The following PCDH11X variants were observed in gnomAD, a reference collection of about 807,000 sequenced individuals.
PCDH11X encodes protocadherin 11 X-linked.
PCDH11X carries 18 observed loss-of-function variants against 53.3 expected under a neutral mutation model. The ratio of observed to expected loss-of-function variants is 0.34; its 90% CI spans 0.23 to 0.50. The LOEUF is 0.50. PCDH11X is among the 20% of genes least tolerant of loss of function. PCDH11X has a pLI of 0.98. For missense variants in PCDH11X, 570 were observed against 1,032.4 expected, an observed-to-expected ratio of 0.55 and a Z score of 6.14; for synonymous variants, 279 against 393.3, an observed-to-expected ratio of 0.71 and a Z score of 3.44.
chrX:92,164,490 G>A (rs1212295629), intron 6 of PCDH11X, among the ~76,000 whole-genome samples: 1 of 112,129 alleles, frequency 8.9e-6, no homozygotes, highest in Non-Finnish European at 1.9e-5. Flanking sequence ...GGAATAACAT[G>A]TATTCATGAA....
intron 6 of PCDH11X, among the ~76,000 whole-genome samples, chrX:92,201,090 CAT>C (rs1259966392): frequency 9.1e-6 from 1 of 110,432 alleles, no homozygotes; most frequent in African/African-American, 3.3e-5. Flanking sequence ...ATTTCATTCA[CAT>C]GTTTAATAGA....
chrX:92,034,641 T>G (rs2063101966), intron 6 of PCDH11X, among the ~76,000 whole-genome samples: 1 of 110,125 alleles, frequency 9.1e-6, no homozygotes, highest in South Asian at 3.9e-4. Flanking sequence ...CATTTATAGA[T>G]GAACTATGTT....
intron 6 of PCDH11X, among the ~76,000 whole-genome samples, chrX:92,075,196 C>T (rs1418006052): frequency 1.8e-5 from 2 of 109,414 alleles, no homozygotes; most frequent in Non-Finnish European, 3.8e-5. Flanking sequence ...CTGCATCTCA[C>T]GAGGCCTCTA....
In PCDH11X at chrX:91,850,712, A is replaced by G. The variant is rs565944551; in HGVS notation, c.540+14668A>G. Among the ~76,000 whole-genome samples, 193 of 111,449 alleles carry G rather than the reference A, an allele frequency of 1.7e-3. 3 individuals carry two copies. In the South Asian group the frequency reaches 0.052, roughly 30 times the overall value. On this transcript the variant is annotated intron_variant, in intron 5 of 10. Transcript: ENST00000682573. ...ACATTTGTATTACAATTAGATGTAT[A>G]CCTTGTTCTTTTTTCACTTTTAAAT...
chrX:92,430,997 C>A (rs189573499), intron 9 of PCDH11X, among the ~76,000 whole-genome samples: 1,277 of 109,173 alleles, frequency 0.012, 15 homozygotes, highest in African/African-American at 0.041. Flanking sequence ...TTCTTCTAAT[C>A]AGTTTACAAA....
intron 6 of PCDH11X, among the ~76,000 whole-genome samples, chrX:91,978,369 G>A (rs1187123645): frequency 4.7e-5 from 5 of 106,173 alleles, no homozygotes; most frequent in Non-Finnish European, 9.8e-5. Flanking sequence ...CTGAGTCTCC[G>A]GGGAGGTTGA....
intron 6 of PCDH11X, among the ~76,000 whole-genome samples, chrX:92,076,477 C>A (rs1233903595): frequency 9.3e-6 from 1 of 107,034 alleles, no homozygotes; most frequent in South Asian, 3.9e-4. Flanking sequence ...AATAGTTTCT[C>A]TGTTGGGTTT....
chrX:92,107,980 A>G (rs933247183), intron 6 of PCDH11X, among the ~76,000 whole-genome samples: 2 of 112,449 alleles, frequency 1.8e-5, no homozygotes, highest in Non-Finnish European at 1.9e-5. Context: ...TTTGTATATA[A>G]ACAATATGAA....
chrX:92,175,617 CTATG>C (rs893899285), intron 6 of PCDH11X, among the ~76,000 whole-genome samples: 3 of 108,783 alleles, frequency 2.8e-5, no homozygotes, highest in Admixed American at 9.9e-5. Flanking sequence ...ATATATCTAT[CTATG>C]TATCTATCTA....
chrX:91,912,248 C>T (rs1230151119), intron 6 of PCDH11X, among the ~76,000 whole-genome samples: 5 of 111,185 alleles, frequency 4.5e-5, no homozygotes. Context: ...TCTTCCTTTC[C>T]ATCATGGATG....
At chrX:92,077,952 C>A (rs1375481544) in intron 6 of PCDH11X, among the ~76,000 whole-genome samples, 5 of 109,650 alleles carry the variant, frequency 4.6e-5, no homozygotes, top group Admixed American at 2.9e-4. Flanking sequence ...TTTAGACTGT[C>A]ATATTTTGAG....
chrX:91,881,025 GATC>G (rs1490823524), intron 6 of PCDH11X, among the ~76,000 whole-genome samples: 1 of 111,201 alleles, frequency 9.0e-6, no homozygotes, highest in Non-Finnish European at 1.9e-5. Flanking sequence ...TACATATGTA[GATC>G]ATCATTTTTA....
At chrX:92,087,238 G>A (rs2063970666) in intron 6 of PCDH11X, among the ~76,000 whole-genome samples, 4 of 109,232 alleles carry the variant, frequency 3.7e-5, no homozygotes, top group African/African-American at 1.3e-4. Flanking sequence ...GGGATTACAG[G>A]CAGGCACCAC....
intron 9 of PCDH11X, among the ~76,000 whole-genome samples, chrX:92,396,568 G>T (rs2071250769): frequency 9.7e-6 from 1 of 103,136 alleles, no homozygotes; most frequent in African/African-American, 3.6e-5. Flanking sequence ...TTTTGGCCGG[G>T]CACGGTGGCT....
chrX:92,482,366 T>A (rs2073526630), intron 10 of PCDH11X, among the ~76,000 whole-genome samples: 1 of 109,587 alleles, frequency 9.1e-6, no homozygotes, highest in South Asian at 4.0e-4. Flanking sequence ...CAAATATTAA[T>A]AAAAGAGGCA....
At chrX:91,923,313 G>T (rs1184968491) in intron 6 of PCDH11X, among the ~76,000 whole-genome samples, 1 of 91,958 alleles carries the variant, frequency 1.1e-5, no homozygotes, top group African/African-American at 4.0e-5. Context: ...TAACATTTGG[G>T]TCAGTGGACT....
intron 6 of PCDH11X, among the ~76,000 whole-genome samples, chrX:92,118,731 CTTTTTTTT>C (rs199880924): frequency 1.3e-4 from 6 of 45,635 alleles, no homozygotes; most frequent in African/African-American, 3.9e-4. Flanking sequence ...ATAATGCAGT[CTTTTTTTT>C]TTTTTTTTTT....
chrX:92,457,641 A>G (rs1204681503), intron 9 of PCDH11X, among the ~76,000 whole-genome samples: 3 of 108,208 alleles, frequency 2.8e-5, no homozygotes, highest in Admixed American at 1.0e-4. Flanking sequence ...TAATAAAATA[A>G]TCAATTTATT....
intron 7 of PCDH11X, among the ~76,000 whole-genome samples, chrX:92,244,456 T>A (rs1263672374): frequency 1.8e-5 from 2 of 110,343 alleles, no homozygotes; most frequent in Non-Finnish European, 3.8e-5. Context: ...CTTCCTTAAG[T>A]AATTTTTAGT....
Sources: allele counts gnomAD v4.1 joint callset (sites outside exome capture counted in the v4.1 genomes callset), GRCh38; gene constraint gnomAD v4.1.1; transcripts MANE v1.5; gene names NCBI Gene and HGNC (gene_info 2026-07-23, HGNC 2026-07-21).